HIVEP1: variants seen among roughly 807,000 people sequenced by gnomAD.
HIVEP1 encodes the protein HIVEP zinc finger 1, also known as zinc finger protein 40.
A neutral mutation model predicts 180.0 loss-of-function variants in HIVEP1; 36 were observed. That is an observed-to-expected ratio of 0.20 (90% CI 0.15 to 0.26). The LOEUF is 0.26. Among genes scored for constraint, HIVEP1 ranks in the 10% least tolerant of loss-of-function variants. HIVEP1 has a pLI of 1.00. For missense variants in HIVEP1, 3,143 were observed against 3,268.7 expected (o/e 0.96, Z 0.94); for synonymous variants, 1,239 against 1,239.0 (o/e 1.00, Z 0.00).
chr6:12,150,590 G>A (rs1759646531), intron 7 of HIVEP1, among the ~76,000 whole-genome samples: 1 of 152,040 alleles, frequency 6.6e-6, no homozygotes, highest in African/African-American at 2.4e-5. Flanking sequence ...GATTTTTATA[G>A]AACACATTAT....
At chr6:12,146,058 G>A (rs1184294447) in intron 7 of HIVEP1, among the ~76,000 whole-genome samples, 2 of 152,168 alleles carry the variant, frequency 1.3e-5, no homozygotes, top group Non-Finnish European at 1.5e-5. Context: ...GAGAAATGGG[G>A]TAAACCTTTT....
intron 2 of HIVEP1, among the ~76,000 whole-genome samples, chr6:12,084,942 G>A (rs150345319): frequency 3.2e-4 from 48 of 152,202 alleles, no homozygotes; most frequent in East Asian, 7.7e-4. Context: ...TACTGATACA[G>A]CTTCCCAAAT....
intron 3 of HIVEP1, among the ~76,000 whole-genome samples, chr6:12,117,007 A>G (rs1775255269): frequency 6.6e-6 from 1 of 152,232 alleles, no homozygotes; most frequent in Non-Finnish European, 1.5e-5. Context: ...CTAATGAATA[A>G]ATATGAAACA....
At chr6:12,167,647 A>AAGT (rs1760748486), downstream of HIVEP1, among the ~76,000 whole-genome samples, 2 of 95,266 alleles carry the variant, frequency 2.1e-5, 1 homozygote. Context: ...ATACATATAC[A>AAGT]TATATATGTT....
chr6:12,049,444 G>A lies in HIVEP1; in HGVS notation c.40+33776G>A, dbSNP rs141485670. 2.2e-4 allele frequency among the ~76,000 whole-genome samples: 33 copies of A among 152,204 alleles called. No individual in the cohort carries two copies. In the Middle Eastern group the frequency reaches 0.01, roughly 47 times the overall value. On this transcript the variant is annotated intron_variant, in intron 2 of 8. Transcript: ENST00000379388. ...GTGACAGCACTGGCTTTCTGTGTTC[G>A]GCAGAGTGTGTGAGACCTTGCGCGA...
At chr6:12,056,349 T>C (rs939654361) in intron 2 of HIVEP1, among the ~76,000 whole-genome samples, 1 of 152,210 alleles carries the variant, frequency 6.6e-6, no homozygotes, top group African/African-American at 2.4e-5. Context: ...GAAAGATTAA[T>C]ATTAATAATA....
Position 12,121,296 on chromosome 6 carries a change from A to G in HIVEP1, c.1501A>G (p.Thr501Ala), listed in dbSNP as rs1451700239. 1.9e-6 allele frequency: 3 copies of G among 1,614,040 alleles called. No individual in the cohort carries two copies. The highest frequency in any genetic ancestry group is 2.7e-5 in the African/African-American group (2 of 74,912). Reference protein sequence around the residue: ...DSGESEEEGATDERQHDLGAM... With the variant: ...DSGESEEEGAADERQHDLGAM... ...TGGGGAGAGCGAGGAGGAAGGCGCC[A>G]CTGATGAGAGACAGCATGACCTGGG... Residue 501 changes from threonine (T) to alanine (A), a missense_variant, in exon 4 of 9, where the codon ACT becomes GCT. Thr to Ala is a moderately conservative substitution (Grantham distance 58). Around this residue, in one of 12 missense-constraint regions of HIVEP1, gnomAD observed 365 missense variants for 344.4 expected, o/e 1.06. Coordinates refer to ENST00000379388, the MANE Select transcript of HIVEP1 (RefSeq NM_002114.4). The surrounding 1 kb of genome is among the most constrained non-coding windows in gnomAD (Gnocchi z 5.3).
At chr6:12,037,600 G>GA (rs1019413863) in intron 2 of HIVEP1, 1 of 384,792 alleles carries the variant, frequency 2.6e-6, no homozygotes, top group African/African-American at 2.1e-5. Context: ...TTATGGAAAA[G>GA]AATTTTGTAT....
At chr6:12,171,208 GTTAT>G in the HIVEP1 span, among the ~76,000 whole-genome samples, 2 of 152,010 alleles carry the variant, frequency 1.3e-5, no homozygotes, top group African/African-American at 4.8e-5. Context: ...GTAGAAATAC[GTTAT>G]TTATTTTTTA....
the HIVEP1 span, among the ~76,000 whole-genome samples, chr6:12,204,182 A>C: frequency 6.6e-6 from 1 of 152,186 alleles, no homozygotes; most frequent in Non-Finnish European, 1.5e-5. Flanking sequence ...GGACACTTCC[A>C]TGCAGACAGT....
At chr6:12,109,199 T>A (rs1774719422) in intron 3 of HIVEP1, among the ~76,000 whole-genome samples, 1 of 152,082 alleles carries the variant, frequency 6.6e-6, no homozygotes, top group African/African-American at 2.4e-5. Context: ...TTCACCATGT[T>A]AGCCAGGATG....
the HIVEP1 span, among the ~76,000 whole-genome samples, chr6:12,209,502 A>G: frequency 6.6e-6 from 1 of 152,258 alleles, no homozygotes; most frequent in African/African-American, 2.4e-5. Flanking sequence ...GTACTTATTT[A>G]AACATTTAAC....
chr6:12,046,592 A>G (rs1247464597), intron 2 of HIVEP1, among the ~76,000 whole-genome samples: 1 of 152,036 alleles, frequency 6.6e-6, no homozygotes, highest in African/African-American at 2.4e-5. Context: ...AATCCTGGCC[A>G]ACATGGTAAA....
intron 2 of HIVEP1, among the ~76,000 whole-genome samples, chr6:12,039,808 A>G (rs936728300): frequency 6.6e-6 from 1 of 152,196 alleles, no homozygotes; most frequent in Non-Finnish European, 1.5e-5. Context: ...GGAAGAAGCT[A>G]TGCAGCCAGG....
At chr6:12,195,968 A>C in the HIVEP1 span, among the ~76,000 whole-genome samples, 2 of 152,206 alleles carry the variant, frequency 1.3e-5, no homozygotes, top group Non-Finnish European at 2.9e-5. Context: ...CCATAAACAC[A>C]GGGTAAGGGG....
Position 12,125,421 on chromosome 6 carries a change from G to T in HIVEP1, c.5626G>T (p.Ala1876Ser). The T allele has an allele frequency of 6.2e-7, 1 of 1,613,988 alleles. No individual in the cohort carries two copies. The highest frequency in any genetic ancestry group is 8.5e-7 in the Non-Finnish European group (1 of 1,179,916). The change falls in exon 4 of 9, where the codon GCT becomes TCT. Residue 1876 changes from alanine (A) to serine (S), a missense_variant. Coordinates refer to ENST00000379388, the MANE Select transcript of HIVEP1 (RefSeq NM_002114.4). ...AACTCTTACAGTTCGAAGTTCACCT[G>T]CTCCTTCAGAAAATACTCATATTTC... ...SLTLTVRSSP[A>S]PSENTHISPL... is the part of the protein sequence containing the mutation.
At chr6:12,030,504 C>T (rs1768871804) in intron 2 of HIVEP1, among the ~76,000 whole-genome samples, 1 of 152,186 alleles carries the variant, frequency 6.6e-6, no homozygotes, top group South Asian at 2.1e-4. Flanking sequence ...TTTCATTGAG[C>T]TATCTTCAAA....
intron 2 of HIVEP1, among the ~76,000 whole-genome samples, chr6:12,083,264 TA>T (rs758776384): frequency 1.8e-4 from 28 of 152,194 alleles, no homozygotes; most frequent in Non-Finnish European, 2.6e-4. Flanking sequence ...AAATATTTTG[TA>T]AAAAATACAT....
chr6:12,157,817 C>T (rs943063412), intron 7 of HIVEP1, among the ~76,000 whole-genome samples: 2 of 152,082 alleles, frequency 1.3e-5, no homozygotes, highest in Non-Finnish European at 2.9e-5. Flanking sequence ...AAGCAGCTGG[C>T]AATGAATCCC....
Sources: gnomAD v4.1 joint callset for allele counts (sites outside exome capture counted in the v4.1 genomes callset) on GRCh38, gnomAD v4.1.1 for gene constraint, gnomAD v4.1.1 regional missense constraint, Gnocchi (gnomAD v3.1) non-coding constraint, MANE v1.5 for transcripts, NCBI Gene and HGNC (gene_info 2026-07-23, HGNC 2026-07-21) for gene names.